Variants in SGCD observed in about 807,000 individuals in gnomAD.
SGCD encodes delta-sarcoglycan.
SGCD carries 18 observed loss-of-function variants against 36.6 expected under a neutral mutation model. The observed-to-expected ratio is 0.49, with a 90% CI of 0.34 to 0.73. The LOEUF (loss-of-function observed/expected upper bound fraction) is 0.73. SGCD is among the 30% of genes least tolerant of loss of function. The pLI, the probability that SGCD is intolerant of heterozygous loss-of-function variation, is 0.01. For missense variants in SGCD, 387 were observed against 346.7 expected, an observed-to-expected ratio of 1.12 and a Z score of -0.92; for synonymous variants, 133 against 130.6, an observed-to-expected ratio of 1.02 and a Z score of -0.12.
At chr5:156,605,041 TTG>T (rs145050755) in intron 6 of SGCD, among the ~76,000 whole-genome samples, 10 of 151,608 alleles carry the variant, frequency 6.6e-5, no homozygotes, top group African/African-American at 9.7e-5. Context: ...TTTTTTTCTC[TTG>T]TGTGTGTGTG....
intron 1 of SGCD, among the ~76,000 whole-genome samples, chr5:155,912,682 T>C (rs1402840649): frequency 6.6e-6 from 1 of 152,170 alleles, no homozygotes; most frequent in Non-Finnish European, 1.5e-5. Flanking sequence ...TACATTAATT[T>C]TCTTTGGAAG....
At chr5:155,777,210 A>G in the SGCD span, among the ~76,000 whole-genome samples, 1 of 152,180 alleles carries the variant, frequency 6.6e-6, no homozygotes, top group Non-Finnish European at 1.5e-5. Context: ...TATTTGATAC[A>G]TACTTCATCA....
chr5:156,607,994 G>C (rs1158980513), intron 6 of SGCD, among the ~76,000 whole-genome samples: 2 of 152,152 alleles, frequency 1.3e-5, no homozygotes, highest in African/African-American at 2.4e-5. Flanking sequence ...CAAAAAAACA[G>C]CTCCTGGATT....
Position 156,195,662 on chromosome 5 carries a change from C to G in SGCD, c.-44+71643C>G, listed in dbSNP as rs549616727. On this transcript the variant is annotated intron_variant, in intron 3 of 9. Transcript: ENST00000517913. The stretch of plus-strand genomic sequence containing the variant: ...GGTTTTTGTTAGGCTGTTGTCACTC[C>G]AAACCTAAACCTGCTCTTCCGTACC... Among the ~76,000 whole-genome samples, 16 of 152,196 alleles carry G rather than the reference C, an allele frequency of 1.1e-4. No individual in the cohort carries two copies. The South Asian group carries it at 2.1e-3, about 20-fold the overall frequency.
At chr5:155,979,578 G>C (rs1012929526) in intron 1 of SGCD, among the ~76,000 whole-genome samples, 2 of 152,204 alleles carry the variant, frequency 1.3e-5, no homozygotes, top group South Asian at 2.1e-4. Context: ...AGGCTCCTCT[G>C]TCAACACCAT....
rs1229849644 is a variant in SGCD at position 156,538,175 on chromosome 5, G to A, written c.294+29473G>A. ...TGAAAGTGCTTCCACTGGAGGTTAT[G>A]GTAATGTCATTTGGAGCAATTCACT... On this transcript the variant is annotated intron_variant, in intron 4 of 8. Coordinates refer to ENST00000337851, the MANE Select transcript of SGCD (RefSeq NM_000337.6). Among the ~76,000 whole-genome samples, 4 of 152,050 alleles carry A rather than the reference G, an allele frequency of 2.6e-5. No homozygotes were observed. In the East Asian group the frequency reaches 7.7e-4, roughly 29 times the overall value.
chr5:155,914,501 C>G (rs529736754), intron 1 of SGCD, among the ~76,000 whole-genome samples: 2 of 152,210 alleles, frequency 1.3e-5, no homozygotes, highest in Non-Finnish European at 2.9e-5. Flanking sequence ...CTATTTAATT[C>G]AGCATTCCAT....
chr5:156,465,405 T>C (rs571825702), intron 3 of SGCD, among the ~76,000 whole-genome samples: 4 of 152,298 alleles, frequency 2.6e-5, no homozygotes, highest in African/African-American at 9.6e-5. Context: ...TTGTTAACTT[T>C]GGGAAAATAA....
chr5:155,916,159 T>C (rs1756731636), intron 1 of SGCD, among the ~76,000 whole-genome samples: 1 of 152,216 alleles, frequency 6.6e-6, no homozygotes, highest in Non-Finnish European at 1.5e-5. Context: ...AATGTTTTGT[T>C]GCAATTTCAT....
At chr5:155,958,113 C>A (rs149482806) in intron 1 of SGCD, among the ~76,000 whole-genome samples, 116 of 152,192 alleles carry the variant, frequency 7.6e-4, no homozygotes, top group African/African-American at 2.6e-3. Context: ...CATTGCTCAG[C>A]AGTACTCAAG....
chr5:156,584,749 T>C (rs1415402881), intron 4 of SGCD, among the ~76,000 whole-genome samples: 3 of 152,214 alleles, frequency 2.0e-5, no homozygotes, highest in Non-Finnish European at 4.4e-5. Context: ...TGGCTATATA[T>C]CTATATGGCC....
At chr5:156,079,486 G>A (rs946763041) in intron 1 of SGCD, among the ~76,000 whole-genome samples, 1 of 152,114 alleles carries the variant, frequency 6.6e-6, no homozygotes, top group Non-Finnish European at 1.5e-5. Context: ...ATCTGGAGAC[G>A]AGTTCCTTCC....
At chr5:156,551,050 C>G (rs1371100515) in intron 4 of SGCD, among the ~76,000 whole-genome samples, 2 of 152,102 alleles carry the variant, frequency 1.3e-5, no homozygotes, top group Admixed American at 1.3e-4. Context: ...AGGATCCTCC[C>G]CTGTATCTTT....
the SGCD span, among the ~76,000 whole-genome samples, chr5:155,757,885 G>A: frequency 6.6e-6 from 1 of 152,158 alleles, no homozygotes; most frequent in African/African-American, 2.4e-5. Context: ...CCTTGTGATA[G>A]TGAATAAGTC....
At chr5:156,555,087 T>C (rs1280637457) in intron 4 of SGCD, among the ~76,000 whole-genome samples, 2 of 152,212 alleles carry the variant, frequency 1.3e-5, no homozygotes, top group Non-Finnish European at 2.9e-5. Flanking sequence ...GTTGTCATTT[T>C]ATTGTTCAGT....
At chr5:155,969,566 A>T (rs1357473947) in intron 1 of SGCD, among the ~76,000 whole-genome samples, 1 of 152,132 alleles carries the variant, frequency 6.6e-6, no homozygotes, top group Non-Finnish European at 1.5e-5. Context: ...TAGGCAGAAG[A>T]CATGTGGTGT....
intron 7 of SGCD, among the ~76,000 whole-genome samples, chr5:156,676,980 GCA>G (rs1368611389): frequency 2.0e-5 from 3 of 152,170 alleles, no homozygotes; most frequent in African/African-American, 7.2e-5. Flanking sequence ...CATTTATTGA[GCA>G]CATTCCTGGG....
chr5:155,990,660 C>G lies in SGCD; in HGVS notation c.-282+120236C>G, dbSNP rs575172265. 3.9e-5 allele frequency among the ~76,000 whole-genome samples: 6 copies of G among 152,294 alleles called. No individual in the cohort carries two copies. In the South Asian group the frequency reaches 1.2e-3, roughly 32 times the overall value. ...CCCAAGGCCTTTCCCAATTTCCAGTCTATATTTAATGGGATTGATTTATTT... is the reference window on the plus strand; with the variant it reads ...CCCAAGGCCTTTCCCAATTTCCAGTGTATATTTAATGGGATTGATTTATTT... On this transcript the variant is annotated intron_variant, in intron 1 of 9. Transcript: ENST00000517913.
Position 156,056,645 on chromosome 5 carries a change from T to TAAAAAAAAAAAAAA in SGCD, c.-281-61226_-281-61213dup, listed in dbSNP as rs561328077. ...GGTCCCCTACCTGCCAAATTATCCT[T>TAAAAAAAAAAAAAA]AAAAAAAAAAAAAAAAAAAACAGTC... On this transcript the variant is annotated intron_variant, in intron 1 of 9. Transcript: ENST00000517913. Among the ~76,000 whole-genome samples, 34 of 68,254 alleles carry TAAAAAAAAAAAAAA rather than the reference T, an allele frequency of 5.0e-4. 2 individuals are homozygous for TAAAAAAAAAAAAAA. The highest frequency in any genetic ancestry group is 1.9e-3 in the African/African-American group (27 of 14,044). The allele number at this position is 68,254 out of a possible 152,430, so 44.8% of individuals were successfully genotyped here.
Sources: gnomAD v4.1 joint callset for allele counts (sites outside exome capture counted in the v4.1 genomes callset) on GRCh38, gnomAD v4.1.1 for gene constraint, MANE v1.5 for transcripts, NCBI Gene and HGNC (gene_info 2026-07-23, HGNC 2026-07-21) for gene names.